CP: variants seen among roughly 807,000 people sequenced by gnomAD.
The protein encoded by CP is ceruloplasmin.
Under a neutral mutation model 122.4 loss-of-function variants are expected in CP, and 64 were observed. The ratio of observed to expected loss-of-function variants is 0.52; its 90% confidence interval spans 0.43 to 0.64. CP has a LOEUF of 0.64. Ranked by LOEUF, CP falls within the 30% of genes least tolerant of loss-of-function variation. The pLI is 0.00. For synonymous variants in CP, 440 were observed against 436.4 expected, an observed-to-expected ratio of 1.01 and a Z score of -0.10; for missense variants, 1,167 against 1,284.4, an observed-to-expected ratio of 0.91 and a Z score of 1.40.
chr3:149,206,266 A>G lies in CP; in HGVS notation c.1110T>C (p.His370=), dbSNP rs759486040. The stretch of plus-strand genomic sequence containing the variant: ...CAGCGGCAATGTAGTAGTGTCTAAC[A>G]TGCTTCCCACGGATATTATCCTTTG... ...SSSKDNIRGK[H]VRHYYIAAEE... is the part of the protein sequence containing the mutation. Residue 370 remains histidine, a synonymous_variant, in exon 6 of 19, where the codon CAT becomes CAC. Transcript: ENST00000264613. The G allele has an allele frequency of 3.1e-6, 5 of 1,614,054 alleles. No homozygotes were observed. Among genetic ancestry groups the G allele is most frequent in the Non-Finnish European group, 4.2e-6 (5 of 1,179,916 alleles).
At chr3:149,221,475 A>G (rs992760090) in intron 1 of CP, among the ~76,000 whole-genome samples, 172 bp downstream of exon 1, 1 of 152,182 alleles carries the variant, frequency 6.6e-6, no homozygotes, top group Non-Finnish European at 1.5e-5. Context: ...TAGTCCACCA[A>G]ATAAAAAATA....
chr3:149,204,961 A>G (rs1490189951), intron 6 of CP, among the ~76,000 whole-genome samples: 1 of 152,138 alleles, frequency 6.6e-6, no homozygotes, highest in African/African-American at 2.4e-5. Context: ...AATAACTGAT[A>G]AGGAATTAAT....
At chr3:149,198,664 A>G in intron 8 of CP, 86 bp from the exon 9 acceptor site, 1 of 1,093,436 alleles carries the variant, frequency 9.1e-7, no homozygotes, top group Non-Finnish European at 1.4e-6. Context: ...TTAGTCTAGA[A>G]TAGCCCACTT....
At chr3:149,216,210 T>G (rs1461821764) in intron 1 of CP, among the ~76,000 whole-genome samples, 3 of 152,204 alleles carry the variant, frequency 2.0e-5, no homozygotes, top group African/African-American at 7.2e-5. Flanking sequence ...GGTCAGAGTC[T>G]GGCATGGTGT....
In CP at chr3:149,200,242, A is replaced by G. The variant is rs187301663; in HGVS notation, c.1349-378T>C. 6.3e-4 allele frequency among the ~76,000 whole-genome samples: 96 copies of G among 152,326 alleles called. 1 individual carries two copies. Among genetic ancestry groups the G allele is most frequent in the African/African-American group, 2.2e-3 (93 of 41,582 alleles). On this transcript the variant is annotated intron_variant, in intron 7 of 18. Coordinates refer to ENST00000264613, the MANE Select transcript of CP (RefSeq NM_000096.4). ...TATAAACTCTGACCACCCAAAGCAG[A>G]TAAGTTGAATTGTTTTGGATGTGAA... is the stretch of plus-strand genomic sequence containing the variant.
intron 9 of CP, among the ~76,000 whole-genome samples, chr3:149,195,883 AT>A (rs1726870042): frequency 6.6e-6 from 1 of 152,076 alleles, no homozygotes; most frequent in Admixed American, 6.6e-5. Flanking sequence ...AAAAAAAAGA[AT>A]AAACTATAAA....
In CP at chr3:149,178,590, T is replaced by C; in HGVS notation, c.2703A>G (p.Arg901=). 1 of 1,613,514 alleles carries C rather than the reference T, an allele frequency of 6.2e-7. No homozygotes were observed. The change falls in exon 16 of 19, where the codon CGA becomes CGG. Residue 901 remains arginine, a synonymous_variant. Transcript: ENST00000264613. Reference sequence around the variant, plus strand: ...GATTGAATACTTTCAAGTAAGGTCTTCGACAAACAATCAGGGGGCCAATTA... The same window carrying C: ...GATTGAATACTTTCAAGTAAGGTCTCCGACAAACAATCAGGGGGCCAATTA... ...SGLIGPLIVC[R]RPYLKVFNPR... is the part of the protein sequence containing the mutation.
intron 11 of CP, 119 bp from the exon 12 acceptor site, chr3:149,185,565 A>G: frequency 1.1e-6 from 1 of 874,916 alleles, no homozygotes; most frequent in Non-Finnish European, 1.8e-6. Flanking sequence ...AGCTTTCCAC[A>G]CCTTCTGCTC....
At position 149,188,092 on chromosome 3, in the gene CP, A is replaced by T; in HGVS notation, c.1824T>A (p.Asp608Glu). 1 of 1,612,278 alleles carries T rather than the reference A, an allele frequency of 6.2e-7. No individual in the cohort carries two copies. Among genetic ancestry groups the T allele is most frequent in the South Asian group, 1.1e-5 (1 of 91,002 alleles). ...ATTCCTGAAAGTCTTCATCTTCCTT[A>T]TCCACCTGATCAGGTGCAGTTGTAA... is the stretch of plus-strand genomic sequence containing the variant. ...RMFTTAPDQV[D>E]KEDEDFQESN... The change falls in exon 10 of 19, where the codon GAT becomes GAA. Residue 608 changes from aspartate to glutamate, a missense_variant. By Grantham distance (45) the Asp-to-Glu change is conservative. This residue lies in a region of CP where 525 missense variants were observed against 657.2 expected (regional missense o/e 0.80). Transcript: ENST00000264613.
In CP at chr3:149,199,755, G is replaced by C; in HGVS notation, c.1458C>G (p.Asn486Lys). The change falls in exon 8 of 19, where the codon AAC becomes AAG. Residue 486 changes from asparagine to lysine, a missense_variant. This residue lies in a region of CP where 642 missense variants were observed against 627.3 expected (regional missense o/e 1.02). Coordinates refer to ENST00000264613, the MANE Select transcript of CP (RefSeq NM_000096.4). The part of the protein sequence containing the change: ...EPIGVRFNKN[N>K]EGTYYSPNYN... ...AATTTGGGGAATAGTATGTGCCCTC[G>C]TTGTTCTTATTGAATCTCACCCCAA... The C allele has an allele frequency of 1.2e-6, 2 of 1,614,084 alleles. No homozygotes were observed. The highest frequency in any genetic ancestry group is 8.5e-7 in the Non-Finnish European group (1 of 1,179,988).
chr3:149,168,076 T>A, downstream of CP: 1 of 784,768 alleles, frequency 1.3e-6, no homozygotes, highest in Non-Finnish European at 2.2e-6. Flanking sequence ...GATTCTCAAG[T>A]GAAACCGAGG....
chr3:149,185,352 A>G lies in CP; in HGVS notation c.2172T>C (p.Asp724=). ...TVNQCRRQSE[D]STFYLGERTY... ...TCCTCTCTCCCAGGTAGAAGGTGGA[A>G]TCCTCAGACTGCCGCCTGCATTGGT... The change falls in exon 12 of 19, where the codon GAT becomes GAC. Residue 724 remains aspartate, a synonymous_variant. Transcript: ENST00000264613. 6.2e-7 allele frequency: 1 copy of G among 1,614,084 alleles called. No homozygotes were observed. The highest frequency in any genetic ancestry group is 1.1e-5 in the South Asian group (1 of 91,076).
At chr3:149,189,673 A>G (rs1426003942) in intron 9 of CP, among the ~76,000 whole-genome samples, 3 of 152,198 alleles carry the variant, frequency 2.0e-5, no homozygotes, top group African/African-American at 7.2e-5. Context: ...AAATATTATG[A>G]TACAAAAATG....
intron 1 of CP, among the ~76,000 whole-genome samples, chr3:149,221,094 C>T (rs982398739): frequency 3.3e-5 from 5 of 152,150 alleles, no homozygotes; most frequent in East Asian, 1.9e-4. Flanking sequence ...TACATGCACC[C>T]GCTCTTTAAA....
intron 17 of CP, among the ~76,000 whole-genome samples, chr3:149,177,328 T>C (rs1254261130): frequency 1.3e-5 from 2 of 152,134 alleles, no homozygotes; most frequent in African/African-American, 2.4e-5. Context: ...TCCATGAAAA[T>C]TCAGTTAAAA....
At chr3:149,162,938 C>CAGG in intron 5 of CP, 1 of 1,317,970 alleles carries the variant, frequency 7.6e-7, no homozygotes, top group South Asian at 1.2e-5. Context: ...CAAAAACATA[C>CAGG]CTTATTTTTA....
intron 15 of CP, among the ~76,000 whole-genome samples, chr3:149,178,968 C>T (rs963464491): frequency 2.6e-5 from 4 of 152,072 alleles, no homozygotes; most frequent in Non-Finnish European, 5.9e-5. Context: ...GTGAGCCAAG[C>T]GCTATGGCAG....
At chr3:149,219,511 T>G (rs554698564) in intron 1 of CP, among the ~76,000 whole-genome samples, 9 of 152,346 alleles carry the variant, frequency 5.9e-5, no homozygotes, top group African/African-American at 1.9e-4. Context: ...AGAGTTCCCC[T>G]GCACAAGCTC....
Position 149,173,513 on chromosome 3 carries a change from T to C in CP, c.*201A>G, listed in dbSNP as rs936062988. The C allele has an allele frequency of 4.5e-6, 2 of 448,670 alleles. No individual in the cohort carries two copies. Among genetic ancestry groups the C allele is most frequent in the Admixed American group, 7.9e-5 (2 of 25,334 alleles). The allele number at this position is 448,670 out of a possible 1,614,324, so 27.8% of individuals were successfully genotyped here. ...TTACCTAGTGTACAAGTGTCAGTCATGTATCATTATATAGTCTGTTGATCT... is the reference window on the plus strand; with the variant it reads ...TTACCTAGTGTACAAGTGTCAGTCACGTATCATTATATAGTCTGTTGATCT... On this transcript the variant is annotated 3_prime_UTR_variant, in exon 19 of 19. Coordinates refer to ENST00000264613, the MANE Select transcript of CP (RefSeq NM_000096.4).
Sources: gnomAD v4.1 joint callset for allele counts (sites outside exome capture counted in the v4.1 genomes callset) on GRCh38, gnomAD v4.1.1 for gene constraint, gnomAD v4.1.1 regional missense constraint, MANE v1.5 for transcripts, NCBI Gene and HGNC (gene_info 2026-07-23, HGNC 2026-07-21) for gene names.